TTC7B: variants seen among roughly 807,000 people sequenced by gnomAD.
TTC7B encodes tetratricopeptide repeat domain 7B, also known as tetratricopeptide repeat protein 7B.
In TTC7B, 28 loss-of-function variants were observed where a neutral mutation model predicts 106.8. The observed-to-expected ratio is 0.26, with a 90% CI of 0.19 to 0.36. The LOEUF (loss-of-function observed/expected upper bound fraction) is 0.36, where lower values mean the gene tolerates loss of function less well. TTC7B is among the 10% of genes least tolerant of loss of function. The probability of loss-of-function intolerance (pLI) is 1.00; values close to 1 mark genes in which losing one functional copy is unlikely to be tolerated. For synonymous variants in TTC7B, 405 were observed against 430.6 expected, an observed-to-expected ratio of 0.94 and a Z score of 0.74; for missense variants, 862 against 1,076.4, an observed-to-expected ratio of 0.80 and a Z score of 2.79.
chr14:90,726,299 C>T (rs1171857224), intron 5 of TTC7B, among the ~76,000 whole-genome samples: 2 of 152,324 alleles, frequency 1.3e-5, no homozygotes, highest in Admixed American at 1.3e-4. Flanking sequence ...TCAGACCAGT[C>T]AGTCCCACCT....
intron 15 of TTC7B, among the ~76,000 whole-genome samples, chr14:90,635,491 T>C (rs1057329334): frequency 2.0e-5 from 3 of 152,116 alleles, no homozygotes; most frequent in Non-Finnish European, 4.4e-5. Context: ...CCGGGCGCAG[T>C]GGTTCACGCC....
At chr14:90,776,079 A>T (rs1274593393) in intron 3 of TTC7B, among the ~76,000 whole-genome samples, 2 of 151,804 alleles carry the variant, frequency 1.3e-5, no homozygotes, top group African/African-American at 4.8e-5. Flanking sequence ...GAGGAAGGCA[A>T]GTAGCCCTGT....
intron 18 of TTC7B, among the ~76,000 whole-genome samples, chr14:90,592,894 G>A (rs977591071): frequency 1.3e-5 from 2 of 152,084 alleles, no homozygotes; most frequent in African/African-American, 4.8e-5. Flanking sequence ...CCATCAGAGA[G>A]GGGCAGAGGA....
At chr14:90,553,073 C>G (rs573813635) in intron 19 of TTC7B, among the ~76,000 whole-genome samples, 1 of 152,208 alleles carries the variant, frequency 6.6e-6, no homozygotes, top group Non-Finnish European at 1.5e-5. Context: ...CCCCAGGGGG[C>G]TCTTCCTCAG....
At chr14:90,766,881 T>A in intron 3 of TTC7B, 1 of 1,595,224 alleles carries the variant, frequency 6.3e-7, no homozygotes, top group South Asian at 1.1e-5. Flanking sequence ...TGAAGAAGAT[T>A]CGGGCCCATA....
chr14:90,525,926 A>G lies in TTC7B; in HGVS notation c.*15442T>C, dbSNP rs1204898684. 7.0e-6 allele frequency: 1 copy of G among 141,960 alleles called. No individual in the cohort carries two copies. The highest frequency in any genetic ancestry group is 1.5e-5 in the Non-Finnish European group (1 of 64,556). 8.8% of individuals were successfully genotyped at this position (141,960 alleles called of 1,614,324 possible). On this transcript the variant is annotated 3_prime_UTR_variant, in exon 20 of 20. Transcript: ENST00000328459. ...TTGGGGCAAAGCTTTGCTCCCTTAG[A>G]ATAATACCAACGTACAGAGTTGCGA... is the stretch of plus-strand genomic sequence containing the variant.
In TTC7B at chr14:90,802,572, C is replaced by T. The variant is rs527977862; in HGVS notation, c.121+13603G>A. On this transcript the variant is annotated intron_variant, in intron 1 of 19. Transcript: ENST00000328459. This position sits in a 1 kb window ranked among gnomAD's most constrained non-coding sequence, Gnocchi z 4.7. ...TCCTCAGTAAAGTATGAGGCAAGGT[C>T]ATGAGCTAGGCATGAGAGGGTGGCT... Among the ~76,000 whole-genome samples, 8 of 152,262 alleles carry T rather than the reference C, an allele frequency of 5.3e-5. No individual in the cohort carries two copies. In the South Asian group the frequency reaches 1.7e-3, roughly 32 times the overall value.
At chr14:90,626,726 CTA>C (rs1290130962) in intron 15 of TTC7B, among the ~76,000 whole-genome samples, 1 of 152,192 alleles carries the variant, frequency 6.6e-6, no homozygotes, top group Non-Finnish European at 1.5e-5. Context: ...GAAACCGTGT[CTA>C]TATGCTTTTC....
Position 90,759,673 on chromosome 14 carries a change from A to G in TTC7B, c.446-14751T>C, listed in dbSNP as rs1890434311. On this transcript the variant is annotated intron_variant, in intron 3 of 19. Coordinates refer to ENST00000328459, the MANE Select transcript of TTC7B (RefSeq NM_001010854.2). The surrounding 1 kb of genome is among the most constrained non-coding windows in gnomAD (Gnocchi z 4.1). ...GGTGAGTGTAGGCAGAAGAGGCATT[A>G]GACACAAGAGTATTTGTTTTTATAT... Among the ~76,000 whole-genome samples, 1 of 152,232 alleles carries G rather than the reference A, an allele frequency of 6.6e-6. No homozygotes were observed. The highest frequency in any genetic ancestry group is 1.5e-5 in the Non-Finnish European group (1 of 68,040).
At chr14:90,641,934 C>CGTGTGTGTGTGTGT (rs145476335) in intron 15 of TTC7B, among the ~76,000 whole-genome samples, 1 of 146,998 alleles carries the variant, frequency 6.8e-6, no homozygotes, top group African/African-American at 2.6e-5. Context: ...TGTGTGTGTG[C>CGTGTGTGTGTGTGT]GTGTGTGTGT....
chr14:90,599,382 G>A (rs538073603), intron 17 of TTC7B, among the ~76,000 whole-genome samples: 60 of 152,290 alleles, frequency 3.9e-4, no homozygotes, highest in Non-Finnish European at 7.8e-4. Context: ...ATCTCTCTCA[G>A]ATGGAATCCT....
At chr14:90,599,485 T>C (rs1892344122) in intron 17 of TTC7B, among the ~76,000 whole-genome samples, 1 of 152,210 alleles carries the variant, frequency 6.6e-6, no homozygotes, top group Admixed American at 6.5e-5. Flanking sequence ...CCAAAAGATG[T>C]CAGCCGACCA....
At chr14:90,769,789 T>C (rs1890802183) in intron 3 of TTC7B, among the ~76,000 whole-genome samples, 1 of 152,054 alleles carries the variant, frequency 6.6e-6, no homozygotes, top group South Asian at 2.1e-4. Context: ...AACAAAAAGA[T>C]ATTCATGCAA....
chr14:90,747,093 G>C (rs1889989733), intron 3 of TTC7B, among the ~76,000 whole-genome samples: 1 of 152,180 alleles, frequency 6.6e-6, no homozygotes, highest in Admixed American at 6.5e-5. Context: ...CAGAGGACTA[G>C]GGCCATGCTA....
At chr14:90,676,432 G>T in intron 9 of TTC7B, 91 bp downstream of exon 9, 4 of 1,464,434 alleles carry the variant, frequency 2.7e-6, no homozygotes, top group Non-Finnish European at 3.7e-6. Context: ...TAATAGAGGG[G>T]GGCCCAGGAC....
intron 1 of TTC7B, among the ~76,000 whole-genome samples, chr14:90,803,330 G>A (rs985335620): frequency 4.6e-5 from 7 of 152,100 alleles, no homozygotes; most frequent in Non-Finnish European, 1.0e-4. Context: ...GGCCATAGGA[G>A]GGGCTCCATA....
intron 9 of TTC7B, among the ~76,000 whole-genome samples, chr14:90,660,415 A>AAAG (rs1367037567): frequency 4.0e-5 from 6 of 149,816 alleles, no homozygotes; most frequent in African/African-American, 1.5e-4. Flanking sequence ...AAAAAAAAAA[A>AAAG]AAAAAAGAAA....
chr14:90,771,354 G>A (rs1205666383), intron 3 of TTC7B, among the ~76,000 whole-genome samples: 1 of 152,172 alleles, frequency 6.6e-6, no homozygotes. Context: ...CCAGCACTTT[G>A]AGAGGTCAAG....
chr14:90,679,549 T>C (rs1027584619), intron 8 of TTC7B, among the ~76,000 whole-genome samples: 16 of 152,192 alleles, frequency 1.1e-4, no homozygotes, highest in African/African-American at 3.6e-4. Flanking sequence ...TACAATCTCC[T>C]AGCAGGAACA....
Sources: allele counts gnomAD v4.1 joint callset (sites outside exome capture counted in the v4.1 genomes callset), GRCh38; gene constraint gnomAD v4.1.1; non-coding constraint Gnocchi (gnomAD v3.1); transcripts MANE v1.5; gene names NCBI Gene and HGNC (gene_info 2026-07-23, HGNC 2026-07-21).